Variants in SYTL3 observed in about 807,000 individuals in gnomAD.
SYTL3 encodes synaptotagmin-like protein 3.
In SYTL3, 88 loss-of-function variants were observed where a neutral mutation model predicts 82.1. That is an observed-to-expected ratio of 1.07 (90% CI 0.90 to 1.28). The LOEUF is 1.28. Ranked by LOEUF, SYTL3 falls within the 50% of genes most tolerant of loss-of-function variation. The probability of loss-of-function intolerance (pLI) is 0.00; values close to 1 mark genes in which losing one functional copy is unlikely to be tolerated. For synonymous variants in SYTL3, 311 were observed against 289.4 expected (o/e 1.07, Z -0.76); for missense variants, 831 against 757.6 (o/e 1.10, Z -1.14).
intron 6 of SYTL3, 44 bp downstream of exon 6, chr6:158,683,033 C>G (rs1443905431): frequency 7.1e-7 from 1 of 1,401,524 alleles, no homozygotes. Flanking sequence ...TGATCTATTC[C>G]TAGTTTTAAA....
chr6:158,718,182 T>C lies in SYTL3; in HGVS notation c.691T>C (p.Ser231Pro). ...CVGQTERRSQSDTAVNVTTRK... is the reference protein window; with the variant it reads ...CVGQTERRSQPDTAVNVTTRK... ...GGGACAGACAGAGAGACGGAGCCAG[T>C]CTGACACTGCGGTCAACGTCACCAC... Residue 231 changes from serine (S) to proline (P), a missense_variant, in exon 10 of 18, where the codon TCT becomes CCT. Ser to Pro is a moderately conservative substitution (Grantham distance 74). Coordinates refer to ENST00000611299, the MANE Select transcript of SYTL3 (RefSeq NM_001242394.2). The C allele has an allele frequency of 6.5e-7, 1 of 1,543,262 alleles. No homozygotes were observed. The highest frequency in any genetic ancestry group is 8.7e-7 in the Non-Finnish European group (1 of 1,143,206).
intron 5 of SYTL3, among the ~76,000 whole-genome samples, chr6:158,666,093 A>G (rs1790019829): frequency 1.3e-5 from 2 of 152,206 alleles, no homozygotes; most frequent in South Asian, 4.1e-4. Flanking sequence ...GAACCTGTTT[A>G]AACAACAAAA....
chr6:158,700,455 T>C (rs1008856485), intron 6 of SYTL3, among the ~76,000 whole-genome samples: 2 of 151,838 alleles, frequency 1.3e-5, no homozygotes, highest in Non-Finnish European at 2.9e-5. Flanking sequence ...CTGTGTGTAT[T>C]GCACTTAATT....
intron 5 of SYTL3, among the ~76,000 whole-genome samples, chr6:158,671,471 A>G (rs1777374790): frequency 2.0e-5 from 3 of 152,146 alleles, no homozygotes; most frequent in Non-Finnish European, 4.4e-5. Context: ...CACACCAAGA[A>G]TGGTTTATAG....
At chr6:158,744,490 T>C (rs1013395784) in intron 11 of SYTL3, among the ~76,000 whole-genome samples, 1 of 151,806 alleles carries the variant, frequency 6.6e-6, no homozygotes, top group African/African-American at 2.4e-5. Flanking sequence ...TTTTTCTTTT[T>C]TTGTATTTTT....
chr6:158,718,221 GC>G lies in SYTL3; in HGVS notation c.720+14del. 1 of 1,515,976 alleles carries G rather than the reference GC, an allele frequency of 6.6e-7. No individual in the cohort carries two copies. The allele number at this position is 1,515,976 out of a possible 1,614,324, so 93.9% of individuals were successfully genotyped here. On this transcript the variant is annotated intron_variant, in intron 10 of 17. Transcript: ENST00000611299. ...CAACGTCACCACCAGGGTACCCTGA[GC>G]CCCACAAGGCCTCCACGCTGATCAC...
At chr6:158,759,366 AC>A (rs1293110356) in intron 14 of SYTL3, among the ~76,000 whole-genome samples, 1 of 144,618 alleles carries the variant, frequency 6.9e-6, no homozygotes, top group Non-Finnish European at 1.5e-5. Context: ...CTCATTTGGC[AC>A]CCGAGGGCCA....
chr6:158,705,997 G>A (rs1422100413), intron 6 of SYTL3, among the ~76,000 whole-genome samples: 2 of 152,012 alleles, frequency 1.3e-5, no homozygotes, highest in Admixed American at 1.3e-4. Flanking sequence ...TTTCTCTCAG[G>A]GGGCTCCTGC....
At chr6:158,745,102 C>A (rs559831789) in intron 11 of SYTL3, among the ~76,000 whole-genome samples, 1 of 152,132 alleles carries the variant, frequency 6.6e-6, no homozygotes, top group African/African-American at 2.4e-5. Context: ...GCCACTTAGC[C>A]CCAGACTGTG....
In SYTL3 at chr6:158,682,943, T is replaced by C; in HGVS notation, c.348T>C (p.Thr116=). 7 of 1,613,528 alleles carry C rather than the reference T, an allele frequency of 4.3e-6. No individual in the cohort carries two copies. The highest frequency in any genetic ancestry group is 5.9e-6 in the Non-Finnish European group (7 of 1,179,536). Residue 116 remains threonine, a synonymous_variant, in exon 6 of 18, where the codon ACT becomes ACC. Coordinates refer to ENST00000611299, the MANE Select transcript of SYTL3 (RefSeq NM_001242394.2). ...TTTTCAGGAATGTCAAAATAAAAAC[T>C]GGAGAATGGTTCTATGAGGAACGAG... ...CFEDRNVKIK[T]GEWFYEERAK...
At chr6:158,649,297 C>T (rs561995133), upstream of SYTL3, among the ~76,000 whole-genome samples, 7 of 152,366 alleles carry the variant, frequency 4.6e-5, no homozygotes, top group African/African-American at 1.7e-4. Context: ...ACTCACACTC[C>T]ATGACCATCA....
chr6:158,713,162 T>G, intron 8 of SYTL3, among the ~76,000 whole-genome samples: 1 of 152,196 alleles, frequency 6.6e-6, no homozygotes, highest in South Asian at 2.1e-4. Flanking sequence ...ACCTACGTGC[T>G]CATGATGTAT....
chr6:158,762,158 C>G lies in SYTL3; in HGVS notation c.1497C>G (p.Thr499=). The G allele has an allele frequency of 6.2e-7, 1 of 1,613,222 alleles. No individual in the cohort carries two copies. ...ATTTACCTGTGCGGCCAGATGGCAC[C>G]TTGAACTCATTTGTTAAGGGGTAGG... ...AKNLPVRPDG[T]LNSFVKGCLT... is the part of the protein sequence containing the mutation. The change falls in exon 16 of 18, where the codon ACC becomes ACG. Residue 499 remains threonine, a synonymous_variant. Transcript: ENST00000611299.
At chr6:158,739,686 C>T (rs1050497650) in intron 11 of SYTL3, among the ~76,000 whole-genome samples, 3 of 152,134 alleles carry the variant, frequency 2.0e-5, no homozygotes, top group Non-Finnish European at 4.4e-5. Flanking sequence ...TCCCAGAACT[C>T]TTGGGCTTAG....
At chr6:158,693,859 T>TTTTTTTTTTTTTTTC (rs1780261433) in intron 6 of SYTL3, among the ~76,000 whole-genome samples, 1 of 102,180 alleles carries the variant, frequency 9.8e-6, no homozygotes, top group Non-Finnish European at 2.0e-5. Context: ...TCTTTTCTTT[T>TTTTTTTTTTTTTTTC]TTTTTTTTTT....
At chr6:158,713,238 G>A (rs1782958778) in intron 8 of SYTL3, among the ~76,000 whole-genome samples, 1 of 152,090 alleles carries the variant, frequency 6.6e-6, no homozygotes, top group Admixed American at 6.5e-5. Flanking sequence ...GTGGCTAGAT[G>A]GGTGGATGGA....
chr6:158,714,854 T>TTCCTCA (rs1783176661), intron 9 of SYTL3, among the ~76,000 whole-genome samples: 1 of 152,230 alleles, frequency 6.6e-6, no homozygotes, highest in Non-Finnish European at 1.5e-5. Context: ...GTTGTCCGTA[T>TTCCTCA]TCCTCATGAG....
intron 5 of SYTL3, among the ~76,000 whole-genome samples, chr6:158,682,652 C>T (rs1778845164): frequency 6.6e-6 from 1 of 152,194 alleles, no homozygotes; most frequent in Non-Finnish European, 1.5e-5. Context: ...AGCCACCACA[C>T]CTAGCCCATA....
At chr6:158,705,828 A>C (rs769077279) in intron 6 of SYTL3, among the ~76,000 whole-genome samples, 6 of 152,062 alleles carry the variant, frequency 3.9e-5, no homozygotes, top group Non-Finnish European at 8.8e-5. Flanking sequence ...AGACAGGAGC[A>C]CCCTGTGGTA....
Sources: gnomAD v4.1 joint callset for allele counts (sites outside exome capture counted in the v4.1 genomes callset) on GRCh38, gnomAD v4.1.1 for gene constraint, MANE v1.5 for transcripts, NCBI Gene and HGNC (gene_info 2026-07-23, HGNC 2026-07-21) for gene names.